Variants in ST6GALNAC3 observed in about 807,000 individuals in gnomAD.
ST6GALNAC3 encodes ST6 N-acetylgalactosaminide alpha-2,6-sialyltransferase 3.
In ST6GALNAC3, 25 loss-of-function variants were observed where a neutral mutation model predicts 32.7. That is an observed-to-expected ratio of 0.76 (90% CI 0.56 to 1.07). The LOEUF (loss-of-function observed/expected upper bound fraction) is 1.07, where lower values mean the gene tolerates loss of function less well. Ranked by LOEUF, ST6GALNAC3 falls within the 50% of genes least tolerant of loss-of-function variation. The pLI is 0.00. For synonymous variants in ST6GALNAC3, 129 were observed against 133.1 expected, an observed-to-expected ratio of 0.97 and a Z score of 0.21; for missense variants, 355 against 382.4, an observed-to-expected ratio of 0.93 and a Z score of 0.60.
At chr1:76,312,537 C>T (rs138377985) in intron 1 of ST6GALNAC3, among the ~76,000 whole-genome samples, 2,678 of 151,356 alleles carry the variant, frequency 0.018, 85 homozygotes, top group African/African-American at 0.062. Flanking sequence ...TGACAAAGGG[C>T]TAATATCCAG....
intron 1 of ST6GALNAC3, among the ~76,000 whole-genome samples, chr1:76,209,941 T>A (rs1468989241): frequency 1.3e-5 from 2 of 152,216 alleles, no homozygotes; most frequent in East Asian, 3.9e-4. Flanking sequence ...AACAACTCTA[T>A]TAAGATAACG....
chr1:76,463,658 G>GT (rs545938204), intron 3 of ST6GALNAC3, among the ~76,000 whole-genome samples: 35 of 152,240 alleles, frequency 2.3e-4, no homozygotes, highest in African/African-American at 7.9e-4. Context: ...TTTCTGCTCT[G>GT]AAGAGTCTTC....
chr1:76,251,778 A>G (rs1319074414), intron 1 of ST6GALNAC3, among the ~76,000 whole-genome samples: 1 of 151,882 alleles, frequency 6.6e-6, no homozygotes, highest in Non-Finnish European at 1.5e-5. Flanking sequence ...GCTCTTGTTT[A>G]TTCCTTTCTC....
At chr1:76,411,669 G>A (rs924974885) in intron 2 of ST6GALNAC3, among the ~76,000 whole-genome samples, 85 of 151,986 alleles carry the variant, frequency 5.6e-4, no homozygotes, top group African/African-American at 1.8e-3. Context: ...AAATCTTTTC[G>A]TATTTTCTTA....
chr1:76,538,446 TTGCAAA>T (rs1175903160), intron 3 of ST6GALNAC3, among the ~76,000 whole-genome samples: 2 of 152,170 alleles, frequency 1.3e-5, no homozygotes, highest in Non-Finnish European at 2.9e-5. Context: ...AGCATTCCTT[TTGCAAA>T]CCAGTACAAG....
intron 3 of ST6GALNAC3, among the ~76,000 whole-genome samples, chr1:76,434,977 G>T (rs1656039988): frequency 6.6e-6 from 1 of 151,752 alleles, no homozygotes; most frequent in Non-Finnish European, 1.5e-5. Flanking sequence ...TTTTAGCAGA[G>T]ACGGGGTTTC....
chr1:76,577,330 T>C, intron 3 of ST6GALNAC3: 1 of 987,050 alleles, frequency 1.0e-6, no homozygotes, highest in Non-Finnish European at 1.2e-6. Context: ...ACTGCCTCTT[T>C]CTGCTTGGAA....
At chr1:76,258,942 G>A (rs971386541) in intron 1 of ST6GALNAC3, among the ~76,000 whole-genome samples, 1 of 152,256 alleles carries the variant, frequency 6.6e-6, no homozygotes, top group Non-Finnish European at 1.5e-5. Flanking sequence ...TTCTTGTCAG[G>A]TGAGGGCATC....
intron 1 of ST6GALNAC3, among the ~76,000 whole-genome samples, chr1:76,200,443 T>G (rs191364458): frequency 2.1e-4 from 32 of 152,234 alleles, no homozygotes; most frequent in African/African-American, 7.2e-4. Flanking sequence ...GAAAGATCCC[T>G]CTATCTTTCA....
chr1:76,416,630 T>G (rs1654647426), intron 3 of ST6GALNAC3, among the ~76,000 whole-genome samples: 1 of 142,314 alleles, frequency 7.0e-6, no homozygotes, highest in Admixed American at 6.9e-5. Context: ...GGGTTTTGTT[T>G]TTTTTTTTTT....
chr1:76,544,496 T>C (rs1168561243), intron 3 of ST6GALNAC3, among the ~76,000 whole-genome samples: 1 of 152,160 alleles, frequency 6.6e-6, no homozygotes, highest in African/African-American at 2.4e-5. Flanking sequence ...ACTAGAATTT[T>C]TGAGACTCTG....
chr1:76,232,619 G>A (rs796202702), intron 1 of ST6GALNAC3, among the ~76,000 whole-genome samples: 1 of 152,208 alleles, frequency 6.6e-6, no homozygotes, highest in South Asian at 2.1e-4. Flanking sequence ...TCTTCCCTCA[G>A]ATAGCGGGGC....
intron 1 of ST6GALNAC3, among the ~76,000 whole-genome samples, chr1:76,269,335 G>A (rs1390925295): frequency 2.6e-5 from 4 of 152,128 alleles, no homozygotes; most frequent in East Asian, 1.9e-4. Context: ...GTTTCCTGAC[G>A]CCAGGCAAGT....
intron 3 of ST6GALNAC3, among the ~76,000 whole-genome samples, chr1:76,448,926 C>T (rs1422303014): frequency 6.6e-6 from 1 of 152,136 alleles, no homozygotes; most frequent in Non-Finnish European, 1.5e-5. Flanking sequence ...ACCTCCACCT[C>T]CTGGGTTCAA....
intron 3 of ST6GALNAC3, among the ~76,000 whole-genome samples, chr1:76,538,613 A>C (rs1663783109): frequency 6.6e-6 from 1 of 152,220 alleles, no homozygotes; most frequent in Non-Finnish European, 1.5e-5. Context: ...TTTTATATTT[A>C]GAAAACCCCA....
intron 1 of ST6GALNAC3, among the ~76,000 whole-genome samples, chr1:76,183,114 A>G (rs2100468827): frequency 6.6e-6 from 1 of 152,294 alleles, no homozygotes; most frequent in South Asian, 2.1e-4. Flanking sequence ...AAGGAATGAC[A>G]ATGAAGTAGT....
At chr1:76,571,410 A>T (rs1267078444) in intron 3 of ST6GALNAC3, among the ~76,000 whole-genome samples, 2 of 152,058 alleles carry the variant, frequency 1.3e-5, no homozygotes, top group Admixed American at 1.3e-4. Flanking sequence ...CGCACTTATA[A>T]GGGACAGTAA....
intron 1 of ST6GALNAC3, among the ~76,000 whole-genome samples, chr1:76,306,929 A>G (rs1396616863): frequency 1.3e-5 from 2 of 152,090 alleles, no homozygotes; most frequent in Non-Finnish European, 2.9e-5. Flanking sequence ...TCATGGCTAT[A>G]TTCACTGAGT....
chr1:76,425,896 A>G (rs1007909365), intron 3 of ST6GALNAC3, among the ~76,000 whole-genome samples: 2 of 151,990 alleles, frequency 1.3e-5, no homozygotes. Context: ...TTAAGAAATC[A>G]AGACCATGTG....
Sources: gnomAD v4.1 joint callset for allele counts (sites outside exome capture counted in the v4.1 genomes callset) on GRCh38, gnomAD v4.1.1 for gene constraint, MANE v1.5 for transcripts, NCBI Gene and HGNC (gene_info 2026-07-23, HGNC 2026-07-21) for gene names.